Variants in TBL1XR1 observed in about 807,000 individuals in gnomAD.
TBL1XR1 encodes TBL1X/Y related 1, also known as F-box-like/WD repeat-containing protein TBL1XR1.
In TBL1XR1, 5 loss-of-function variants were observed where a neutral mutation model predicts 66.9. That is an observed-to-expected ratio of 0.07 (90% CI 0.04 to 0.16). The LOEUF (loss-of-function observed/expected upper bound fraction) is 0.16. Among genes scored for constraint, TBL1XR1 ranks in the 10% least tolerant of loss-of-function variants. The pLI, the probability that TBL1XR1 is intolerant of heterozygous loss-of-function variation, is 1.00. For missense variants in TBL1XR1, 238 were observed against 623.2 expected, an observed-to-expected ratio of 0.38 and a Z score of 6.58; for synonymous variants, 210 against 206.0, an observed-to-expected ratio of 1.02 and a Z score of -0.17.
intron 7 of TBL1XR1, 71 bp downstream of exon 7, chr3:177,049,926 G>T: frequency 6.5e-7 from 1 of 1,527,370 alleles, no homozygotes; most frequent in East Asian, 2.3e-5. Context: ...GACAAACCCT[G>T]CCGTGAGTAT....
At chr3:177,041,799 A>AGG (rs1443610481) in intron 10 of TBL1XR1, among the ~76,000 whole-genome samples, 3 of 152,188 alleles carry the variant, frequency 2.0e-5, no homozygotes, top group Non-Finnish European at 1.5e-5. Flanking sequence ...ATACAATGTA[A>AGG]GACACTGTCA....
chr3:177,110,651 T>G (rs1725442148), intron 1 of TBL1XR1, among the ~76,000 whole-genome samples: 1 of 152,174 alleles, frequency 6.6e-6, no homozygotes, highest in Non-Finnish European at 1.5e-5. Flanking sequence ...CAGGAATAAA[T>G]GACAGTATGT....
At chr3:177,092,455 T>C (rs1243963058) in intron 2 of TBL1XR1, among the ~76,000 whole-genome samples, 1 of 152,012 alleles carries the variant, frequency 6.6e-6, no homozygotes, top group East Asian at 1.9e-4. Context: ...AAAAAATAGG[T>C]AGAAGCATAA....
chr3:177,029,356 C>T (rs897718031), intron 14 of TBL1XR1, among the ~76,000 whole-genome samples: 1 of 152,168 alleles, frequency 6.6e-6, no homozygotes, highest in Non-Finnish European at 1.5e-5. Flanking sequence ...ATGCCTCATG[C>T]CTGTAATCCC....
intron 1 of TBL1XR1, among the ~76,000 whole-genome samples, chr3:177,177,252 C>A (rs1370491140): frequency 1.3e-5 from 2 of 152,216 alleles, no homozygotes; most frequent in South Asian, 2.1e-4. Flanking sequence ...GAGTCCGAGA[C>A]CAGCCTGACC....
intron 2 of TBL1XR1, among the ~76,000 whole-genome samples, chr3:177,084,074 C>T (rs180882341): frequency 1.3e-4 from 17 of 126,326 alleles, no homozygotes; most frequent in African/African-American, 4.5e-4. Flanking sequence ...GGAGACAGGG[C>T]GAGACTCCGT....
intron 1 of TBL1XR1, among the ~76,000 whole-genome samples, chr3:177,118,355 A>C (rs1726564284): frequency 6.6e-6 from 1 of 152,224 alleles, no homozygotes; most frequent in Non-Finnish European, 1.5e-5. Flanking sequence ...AGTAGCTTTA[A>C]CATTGAGCCT....
intron 1 of TBL1XR1, among the ~76,000 whole-genome samples, chr3:177,107,426 T>C (rs1333265901): frequency 6.6e-6 from 1 of 152,224 alleles, no homozygotes; most frequent in East Asian, 1.9e-4. Context: ...AAAACAAATA[T>C]TTCATTTAAC....
intron 3 of TBL1XR1, among the ~76,000 whole-genome samples, chr3:177,064,665 T>C (rs1718931371): frequency 6.6e-6 from 1 of 152,182 alleles, no homozygotes; most frequent in African/African-American, 2.4e-5. Context: ...TAATCTCACC[T>C]CATAACAGAT....
At chr3:177,119,132 C>T (rs1000872978) in intron 1 of TBL1XR1, among the ~76,000 whole-genome samples, 6 of 152,064 alleles carry the variant, frequency 3.9e-5, no homozygotes, top group Admixed American at 6.5e-5. Flanking sequence ...CCACCACACC[C>T]GGCTACTATT....
chr3:177,144,550 G>A (rs181574334), intron 1 of TBL1XR1, among the ~76,000 whole-genome samples: 2,254 of 151,888 alleles, frequency 0.015, 26 homozygotes, highest in Admixed American at 0.026. Flanking sequence ...TCAGGAGATC[G>A]AGACCATCCT....
chr3:177,106,228 T>C (rs1724868045), intron 1 of TBL1XR1, among the ~76,000 whole-genome samples: 1 of 152,148 alleles, frequency 6.6e-6, no homozygotes, highest in Non-Finnish European at 1.5e-5. Context: ...TTTTAAGTAG[T>C]AGGCAGAAGT....
chr3:177,108,056 CCA>C (rs1725099483), intron 1 of TBL1XR1, among the ~76,000 whole-genome samples: 1 of 151,744 alleles, frequency 6.6e-6, no homozygotes, highest in South Asian at 2.1e-4. Context: ...CAGATATGGT[CCA>C]CAGGTCATAG....
chr3:177,195,519 CA>C (rs1364606382), intron 1 of TBL1XR1: 2 of 124,216 alleles, frequency 1.6e-5, no homozygotes, highest in Non-Finnish European at 3.8e-5. Flanking sequence ...CTTATTTTAA[CA>C]AAAATGAAAA....
chr3:177,073,186 A>G (rs1056920623), intron 2 of TBL1XR1, among the ~76,000 whole-genome samples: 5 of 152,256 alleles, frequency 3.3e-5, no homozygotes, highest in African/African-American at 1.2e-4. Context: ...CAATAAATTA[A>G]GATTGTAACA....
At chr3:177,096,230 C>T (rs541183305) in intron 2 of TBL1XR1, among the ~76,000 whole-genome samples, 3 of 152,208 alleles carry the variant, frequency 2.0e-5, no homozygotes, top group African/African-American at 7.2e-5. Context: ...ACTAGCACAT[C>T]TGTGCAAATA....
In TBL1XR1 at chr3:177,050,460, T is replaced by A; in HGVS notation, c.560+18A>T. On this transcript the variant is annotated intron_variant, in intron 6 of 15. Transcript: ENST00000457928. ...AAGATATTTTTAAGTCATTTTAGTA[T>A]CACTTTGAGAAACATACCCTGATGC... is the stretch of plus-strand genomic sequence containing the variant. 1 of 1,612,238 alleles carries A rather than the reference T, an allele frequency of 6.2e-7. No individual in the cohort carries two copies. The highest frequency in any genetic ancestry group is 8.5e-7 in the Non-Finnish European group (1 of 1,179,210).
In TBL1XR1 at chr3:177,047,821, A is replaced by G. The variant is rs575574259; in HGVS notation, c.703-272T>C. 1.4e-4 allele frequency: 54 copies of G among 389,906 alleles called. No individual in the cohort carries two copies. In the South Asian group the frequency reaches 1.4e-3, roughly 10 times the overall value. 24.2% of individuals were successfully genotyped at this position (389,906 alleles called of 1,614,324 possible). A position where few individuals can be genotyped will look rare whatever the true frequency, so the allele number is the denominator to read the frequency against. ...GGATCTACATCACCCCACCTCATGCATGCCAAAAGTATTCTCACAGACTCA... is the reference window on the plus strand; with the variant it reads ...GGATCTACATCACCCCACCTCATGCGTGCCAAAAGTATTCTCACAGACTCA... On this transcript the variant is annotated intron_variant, in intron 7 of 15. Transcript: ENST00000457928.
At position 177,073,536 on chromosome 3, in the gene TBL1XR1, T is replaced by C. The variant is rs1440233763; in HGVS notation, c.-45-8514A>G. The stretch of plus-strand genomic sequence containing the variant: ...TATAAATTTTCTGAGACTACACTTC[T>C]ATAAATGGACTTCTATTTGGAAAGA... On this transcript the variant is annotated intron_variant, in intron 2 of 15. Transcript: ENST00000457928. Among the ~76,000 whole-genome samples the C allele has an allele frequency of 3.9e-5, 6 of 152,248 alleles. No individual in the cohort carries two copies. In the East Asian group the frequency reaches 9.6e-4, roughly 24 times the overall value.
Sources: allele counts gnomAD v4.1 joint callset (sites outside exome capture counted in the v4.1 genomes callset), GRCh38; gene constraint gnomAD v4.1.1; transcripts MANE v1.5; gene names NCBI Gene and HGNC (gene_info 2026-07-23, HGNC 2026-07-21).